The following GLI3 variants were observed in gnomAD, a reference collection of about 807,000 sequenced individuals.
The protein encoded by GLI3 is transcription activator GLI3.
Under a neutral mutation model 100.8 loss-of-function variants are expected in GLI3, and 20 were observed. The observed-to-expected ratio is 0.20, with a 90% CI of 0.14 to 0.29. The LOEUF is 0.29. Ranked by LOEUF, GLI3 falls within the 10% of genes least tolerant of loss-of-function variation. The pLI is 1.00. For missense variants in GLI3, 2,040 were observed against 2,128.5 expected (o/e 0.96, Z 0.82); for synonymous variants, 938 against 860.5 (o/e 1.09, Z -1.58).
intron 13 of GLI3, among the ~76,000 whole-genome samples, chr7:41,968,748 G>A (rs1374761310): frequency 8.2e-6 from 1 of 122,156 alleles, no homozygotes; most frequent in Non-Finnish European, 1.7e-5. Flanking sequence ...AAGAAAGAAA[G>A]AAAGAAAGAA....
intron 3 of GLI3, among the ~76,000 whole-genome samples, chr7:42,077,438 C>T (rs758915521): frequency 7.3e-5 from 11 of 151,502 alleles, no homozygotes; most frequent in Non-Finnish European, 1.6e-4. Flanking sequence ...CCATAGTCCC[C>T]ACACAAAGGC....
At chr7:42,262,225 T>TTCC (rs1789151410) in intron 1 of GLI3, among the ~76,000 whole-genome samples, 43 of 118,766 alleles carry the variant, frequency 3.6e-4, no homozygotes, top group African/African-American at 1.0e-3. Context: ...TCCTTCCTTC[T>TTCC]TTCCTTCCTT....
intron 10 of GLI3, among the ~76,000 whole-genome samples, chr7:41,990,983 A>G (rs2128718033): frequency 6.6e-6 from 1 of 152,210 alleles, no homozygotes; most frequent in South Asian, 2.1e-4. Context: ...GCAGGCAAGT[A>G]GGCAAAATTA....
chr7:42,118,678 C>T (rs1785920574), intron 3 of GLI3, among the ~76,000 whole-genome samples: 1 of 152,142 alleles, frequency 6.6e-6, no homozygotes, highest in South Asian at 2.1e-4. Context: ...ATCATCTTGA[C>T]ACCTTGACAC....
intron 10 of GLI3, among the ~76,000 whole-genome samples, chr7:42,013,067 G>C (rs1788664713): frequency 6.6e-6 from 1 of 152,214 alleles, no homozygotes; most frequent in South Asian, 2.1e-4. Flanking sequence ...TGGTTGACCG[G>C]AGAGAGTCCT....
At position 41,978,205 on chromosome 7, in the gene GLI3, A is replaced by G. The variant is rs1309865833; in HGVS notation, c.1647+394T>C. ...CACCCCCTTCCCATTCCATACGCCT[A>G]TGCCTGAGGACTCACTAGGAAAGGA... On this transcript the variant is annotated intron_variant, in intron 11 of 14. Coordinates refer to ENST00000395925, the MANE Select transcript of GLI3 (RefSeq NM_000168.6). 2.0e-5 allele frequency among the ~76,000 whole-genome samples: 3 copies of G among 152,206 alleles called. 1 individual carries two copies. The highest frequency in any genetic ancestry group is 1.3e-4 in the Admixed American group (2 of 15,290).
At chr7:42,107,280 A>G (rs1198730880) in intron 3 of GLI3, among the ~76,000 whole-genome samples, 1 of 151,988 alleles carries the variant, frequency 6.6e-6, no homozygotes, top group Admixed American at 6.6e-5. Context: ...GCGTGAGCCG[A>G]GATCACACCG....
chr7:41,993,151 A>C (rs1280317915), intron 10 of GLI3, among the ~76,000 whole-genome samples: 1 of 152,152 alleles, frequency 6.6e-6, no homozygotes, highest in Non-Finnish European at 1.5e-5. Flanking sequence ...TCCGGCAAGA[A>C]AAAAGGTGGA....
chr7:42,015,839 AAAGAACATTTAAACAG>A (rs1460312143), intron 10 of GLI3, among the ~76,000 whole-genome samples: 1 of 152,024 alleles, frequency 6.6e-6, no homozygotes, highest in Non-Finnish European at 1.5e-5. Flanking sequence ...TGAACATTCT[AAAGAACATTTAAACAG>A]GAGAAACTTT....
At chr7:42,165,421 G>A (rs952338278) in intron 2 of GLI3, among the ~76,000 whole-genome samples, 2 of 152,126 alleles carry the variant, frequency 1.3e-5, no homozygotes, top group Non-Finnish European at 2.9e-5. Flanking sequence ...GGGCTGGGAG[G>A]ATATTTTTAA....
At chr7:42,134,649 C>T (rs769330938) in intron 3 of GLI3, among the ~76,000 whole-genome samples, 7 of 152,048 alleles carry the variant, frequency 4.6e-5, no homozygotes, top group East Asian at 1.9e-4. Context: ...AGACTAGCTG[C>T]GCACCACCCT....
intron 3 of GLI3, among the ~76,000 whole-genome samples, chr7:42,125,048 C>T (rs980670966): frequency 4.6e-5 from 7 of 152,128 alleles, no homozygotes; most frequent in African/African-American, 1.7e-4. Flanking sequence ...AAAAAAGGGA[C>T]ACAGTTGACA....
At chr7:42,074,899 C>T (rs1455519079) in intron 4 of GLI3, among the ~76,000 whole-genome samples, 1 of 152,098 alleles carries the variant, frequency 6.6e-6, no homozygotes, top group Non-Finnish European at 1.5e-5. Context: ...AGTAAAGTAT[C>T]CAAAGCCTGG....
intron 4 of GLI3, among the ~76,000 whole-genome samples, chr7:42,049,994 A>G (rs966852976): frequency 1.3e-5 from 2 of 152,098 alleles, no homozygotes; most frequent in African/African-American, 4.8e-5. Flanking sequence ...GGCCCCCATC[A>G]CCCTGTCAGA....
At chr7:41,987,083 TACACAG>T (rs200962884) in intron 10 of GLI3, among the ~76,000 whole-genome samples, 38 of 130,082 alleles carry the variant, frequency 2.9e-4, no homozygotes, top group African/African-American at 6.6e-4. Context: ...TGCTACAACA[TACACAG>T]ACACAGACAC....
rs774808066 is a variant in GLI3, at chr7:41,977,577, T to G, written c.1793A>C (p.Asn598Thr). 1 of 1,614,166 alleles carries G rather than the reference T, an allele frequency of 6.2e-7. No homozygotes were observed. Among genetic ancestry groups the G allele is most frequent in the Non-Finnish European group, 8.5e-7 (1 of 1,180,002 alleles). The change falls in exon 12 of 15, where the codon AAC (asparagine) becomes ACC (threonine). Residue 598 changes from asparagine (N) to threonine (T), a missense_variant. Around this residue, in one of 5 missense-constraint regions of GLI3, gnomAD observed 61 missense variants for 150.9 expected, o/e 0.40. Transcript: ENST00000395925. ...SNASDRAKHQNRTHSNEKPYV... is the reference protein window; with the variant it reads ...SNASDRAKHQTRTHSNEKPYV... ...GCTTACCTCATTGGAATGCGTTCTG[T>G]TTTGGTGTTTGGCGCGATCAGAGGC...
At chr7:42,202,352 A>T (rs62443814) in intron 2 of GLI3, among the ~76,000 whole-genome samples, 58,727 of 104,378 alleles carry the variant, frequency 0.56, 14,296 homozygotes, top group East Asian at 0.67. Context: ...TCTCTCACAC[A>T]CACACACACA....
rs571829016 is a variant in GLI3, at chr7:41,977,123, G to A, written c.1812+435C>T. 1.1e-4 allele frequency among the ~76,000 whole-genome samples: 17 copies of A among 152,310 alleles called. No homozygotes were observed. The South Asian group carries it at 2.3e-3, about 20-fold the overall frequency. Reference sequence around the variant, plus strand: ...TAATACCATTTGAAGATACCACTTGGAGGAAGCAAATAAAAGTGGATGACT... The same window carrying A: ...TAATACCATTTGAAGATACCACTTGAAGGAAGCAAATAAAAGTGGATGACT... On this transcript the variant is annotated intron_variant, in intron 12 of 14. Transcript: ENST00000395925.
At chr7:41,987,180 A>G (rs1449738493) in intron 10 of GLI3, among the ~76,000 whole-genome samples, 2 of 151,402 alleles carry the variant, frequency 1.3e-5, no homozygotes, top group Admixed American at 6.6e-5. Context: ...TTTTTTTGAG[A>G]CAGAGTGAGA....
Sources: gnomAD v4.1 joint callset for allele counts (sites outside exome capture counted in the v4.1 genomes callset) on GRCh38, gnomAD v4.1.1 for gene constraint, gnomAD v4.1.1 regional missense constraint, MANE v1.5 for transcripts, NCBI Gene and HGNC (gene_info 2026-07-23, HGNC 2026-07-21) for gene names.